The following NDUFAF6 variants were observed in gnomAD, a reference collection of about 807,000 sequenced individuals.
NDUFAF6 encodes the protein NADH dehydrogenase (ubiquinone) complex I, assembly factor 6.
NDUFAF6 carries 45 observed loss-of-function variants against 40.8 expected under a neutral mutation model. The ratio of observed to expected loss-of-function variants is 1.10; its 90% CI spans 0.87 to 1.42. The LOEUF (loss-of-function observed/expected upper bound fraction) is 1.42. Among genes scored for constraint, NDUFAF6 ranks in the 40% most tolerant of loss-of-function variants. The pLI is 0.00. For missense variants in NDUFAF6, 435 were observed against 418.5 expected (o/e 1.04, Z -0.34); for synonymous variants, 185 against 155.9 (o/e 1.19, Z -1.39).
At chr8:95,036,257 A>G in intron 3 of NDUFAF6, 4 of 1,224,784 alleles carry the variant, frequency 3.3e-6, no homozygotes, top group Non-Finnish European at 4.2e-6. Flanking sequence ...GAGGAAGGGA[A>G]TTAGATACCT....
intron 1 of NDUFAF6, chr8:94,975,983 G>C (rs540049095): frequency 1.3e-5 from 2 of 152,202 alleles, no homozygotes; most frequent in East Asian, 1.9e-4. Context: ...GGCAGAGGCA[G>C]GTGGATCACG....
chr8:95,076,239 T>C (rs1351672389), downstream of NDUFAF6: 1 of 152,630 alleles, frequency 6.6e-6, no homozygotes, highest in African/African-American at 2.4e-5. Context: ...AATATTCACA[T>C]ACAATTTACC....
downstream of NDUFAF6, among the ~76,000 whole-genome samples, chr8:95,118,088 A>T (rs1810171684): frequency 6.6e-6 from 1 of 152,168 alleles, no homozygotes; most frequent in African/African-American, 2.4e-5. Flanking sequence ...TGGATCTCCA[A>T]AGTGGCTCAC....
chr8:95,038,228 T>C (rs1476848764), intron 3 of NDUFAF6, among the ~76,000 whole-genome samples: 1 of 152,122 alleles, frequency 6.6e-6, no homozygotes, highest in African/African-American at 2.4e-5. Flanking sequence ...CACTCACATA[T>C]TCAGTTTCTC....
At chr8:94,978,442 A>G (rs971402401) in intron 1 of NDUFAF6, among the ~76,000 whole-genome samples, 1 of 152,160 alleles carries the variant, frequency 6.6e-6, no homozygotes, top group African/African-American at 2.4e-5. Context: ...CAGGCCAAGC[A>G]TGGTGGCTCA....
upstream of NDUFAF6, among the ~76,000 whole-genome samples, chr8:94,953,667 G>C (rs1244938781): frequency 6.6e-6 from 1 of 152,252 alleles, no homozygotes; most frequent in South Asian, 2.1e-4. Flanking sequence ...CTGTAATCAT[G>C]AATTGCTTTG....
At chr8:94,921,627 T>C (rs1485796425) in intron 1 of NDUFAF6, among the ~76,000 whole-genome samples, 1 of 152,178 alleles carries the variant, frequency 6.6e-6, no homozygotes, top group Non-Finnish European at 1.5e-5. Context: ...CAATGCTCTA[T>C]ACAATGCCTT....
At chr8:95,016,293 C>T (rs1827442461) in intron 2 of NDUFAF6, among the ~76,000 whole-genome samples, 1 of 152,172 alleles carries the variant, frequency 6.6e-6, no homozygotes, top group South Asian at 2.1e-4. Flanking sequence ...TTTATAACTG[C>T]ATGGTATGAA....
upstream of NDUFAF6, among the ~76,000 whole-genome samples, chr8:95,097,033 CAG>C (rs970367550): frequency 1.8e-4 from 28 of 152,216 alleles, no homozygotes; most frequent in African/African-American, 6.3e-4. Flanking sequence ...TGAGGCCTAA[CAG>C]GGGGTTAAGG....
downstream of NDUFAF6, among the ~76,000 whole-genome samples, chr8:95,104,214 T>C (rs1223742029): frequency 6.6e-6 from 1 of 152,086 alleles, no homozygotes. Context: ...AAAGGGTGGG[T>C]GATATAGCAC....
intron 9 of NDUFAF6, among the ~76,000 whole-genome samples, chr8:95,072,261 T>TG (rs1252516631): frequency 6.6e-6 from 1 of 152,166 alleles, no homozygotes; most frequent in Non-Finnish European, 1.5e-5. Context: ...CTGCTCCCCA[T>TG]GCCAGAACCC....
intron 1 of NDUFAF6, among the ~76,000 whole-genome samples, chr8:94,977,522 TAAAAA>T (rs748596014): frequency 9.5e-6 from 1 of 104,804 alleles, no homozygotes; most frequent in African/African-American, 3.8e-5. Context: ...ACCCTGTCTC[TAAAAA>T]AAAAAAAAAA....
At chr8:94,898,680 C>G (rs868104290) in intron 1 of NDUFAF6, among the ~76,000 whole-genome samples, 2 of 152,156 alleles carry the variant, frequency 1.3e-5, no homozygotes, top group African/African-American at 4.8e-5. Context: ...GTGTGCAGCC[C>G]ACACCTAAGG....
At chr8:95,109,583 TAGATAGAGAGAG>T (rs1563872939) in intron 4 of NDUFAF6, among the ~76,000 whole-genome samples, 1 of 49,322 alleles carries the variant, frequency 2.0e-5, no homozygotes. Context: ...GTTAGATAGA[TAGATAGAGAGAG>T]AGAGAGAGAG....
At chr8:95,011,225 G>A (rs968661563) in intron 2 of NDUFAF6, among the ~76,000 whole-genome samples, 2 of 152,196 alleles carry the variant, frequency 1.3e-5, no homozygotes, top group East Asian at 1.9e-4. Flanking sequence ...ATTTCTGGAG[G>A]AGACGCCACC....
At position 94,937,147 on chromosome 8, in the gene NDUFAF6, T is replaced by C. The variant is rs183141765; in HGVS notation, c.-935-8336T>C. Among the ~76,000 whole-genome samples, 502 of 152,274 alleles carry C rather than the reference T, an allele frequency of 3.3e-3. 2 individuals carry two copies. The highest frequency in any genetic ancestry group is 4.8e-3 in the Non-Finnish European group (329 of 68,020). On this transcript the variant is annotated intron_variant, in intron 1 of 14. Coordinates refer to the NDUFAF6 transcript ENST00000396113. ...CCTGGATGTGGATAGTTAACTGTCA[T>C]TTCTTCAGACCAAAGGACACACTAT...
At chr8:94,903,080 C>A (rs1464806883) in intron 1 of NDUFAF6, among the ~76,000 whole-genome samples, 1 of 151,986 alleles carries the variant, frequency 6.6e-6, no homozygotes, top group Non-Finnish European at 1.5e-5. Flanking sequence ...ATTTTGAGAA[C>A]TAATAGGGGC....
chr8:95,087,620 T>G (rs1471298646), intron 2 of NDUFAF6: 1 of 152,252 alleles, frequency 6.6e-6, no homozygotes, highest in African/African-American at 2.4e-5. Context: ...CACTTTTACT[T>G]TAAAACATTT....
intron 2 of NDUFAF6, among the ~76,000 whole-genome samples, chr8:94,982,527 A>G (rs978039713): frequency 5.3e-5 from 8 of 152,206 alleles, no homozygotes; most frequent in African/African-American, 1.7e-4. Context: ...AGAAATAGCA[A>G]TTCATTTGGT....
Sources: gnomAD v4.1 joint callset for allele counts (sites outside exome capture counted in the v4.1 genomes callset) on GRCh38, gnomAD v4.1.1 for gene constraint, MANE v1.5 for transcripts, NCBI Gene and HGNC (gene_info 2026-07-23, HGNC 2026-07-21) for gene names.